SLC18A1: variants seen among roughly 807,000 people sequenced by gnomAD.
The protein encoded by SLC18A1 is chromaffin granule amine transporter.
In SLC18A1, 69 loss-of-function variants were observed where a neutral mutation model predicts 53.7. The observed-to-expected ratio is 1.28, with a 90% CI of 1.06 to 1.57. The LOEUF is 1.57. Among genes scored for constraint, SLC18A1 ranks in the 40% most tolerant of loss-of-function variants. The probability of loss-of-function intolerance (pLI) is 0.00; values close to 1 mark genes in which losing one functional copy is unlikely to be tolerated. For synonymous variants in SLC18A1, 320 were observed against 248.1 expected (o/e 1.29, Z -2.72); for missense variants, 932 against 668.1 (o/e 1.40, Z -4.35).
At chr8:20,162,923 G>A (rs528934766) in intron 10 of SLC18A1, among the ~76,000 whole-genome samples, 4 of 152,282 alleles carry the variant, frequency 2.6e-5, no homozygotes, top group Non-Finnish European at 4.4e-5. Flanking sequence ...CAGTTCCAAA[G>A]CTGCTTCCAT....
At chr8:20,164,667 C>T (rs1274539054) in intron 10 of SLC18A1, among the ~76,000 whole-genome samples, 1 of 152,120 alleles carries the variant, frequency 6.6e-6, no homozygotes, top group Non-Finnish European at 1.5e-5. Context: ...CTCCATAGCC[C>T]CTTTCATCCT....
intron 13 of SLC18A1, 67 bp downstream of exon 13, chr8:20,147,940 G>T (rs1256985286): frequency 1.3e-6 from 2 of 1,545,680 alleles, no homozygotes; most frequent in Admixed American, 1.7e-5. Context: ...AGAAAAGGGG[G>T]AGGAAAGGCA....
In SLC18A1 at chr8:20,145,746, A is replaced by G. The variant is rs755994584; in HGVS notation, c.*17T>C. On this transcript the variant is annotated 3_prime_UTR_variant, in exon 16 of 16. Transcript: ENST00000276373. ...TGGTCACTGAGGCATCATGAATTCA[A>G]GGAGCACCTTCTGCTGCTACTCCTC... The G allele has an allele frequency of 6.5e-7, 1 of 1,543,658 alleles. No homozygotes were observed. The highest frequency in any genetic ancestry group is 8.9e-7 in the Non-Finnish European group (1 of 1,122,760).
intron 8 of SLC18A1, 33 bp from the exon 9 acceptor site, chr8:20,165,140 G>T (rs376163004): frequency 5.1e-6 from 8 of 1,559,820 alleles, no homozygotes; most frequent in Non-Finnish European, 7.1e-6. Context: ...ATGTCCATTT[G>T]TACAGTGCAT....
chr8:20,153,218 G>GTT (rs71532224), intron 10 of SLC18A1, among the ~76,000 whole-genome samples: 28 of 151,858 alleles, frequency 1.8e-4, no homozygotes, highest in African/African-American at 4.8e-4. Context: ...GTGGTTGTGC[G>GTT]TTTTTTTTGC....
chr8:20,146,011 G>A (rs2071387873), intron 15 of SLC18A1, 135 bp from the exon 16 acceptor site: 3 of 447,684 alleles, frequency 6.7e-6, no homozygotes, highest in South Asian at 3.9e-5. Context: ...CGCCTCCCGG[G>A]TTCATGCCGT....
At chr8:20,173,612 G>A (rs2072181815) in intron 5 of SLC18A1, among the ~76,000 whole-genome samples, 1 of 152,166 alleles carries the variant, frequency 6.6e-6, no homozygotes, top group Admixed American at 6.5e-5. Context: ...GGGTAAAATG[G>A]CATAAAATGC....
At chr8:20,155,769 A>C (rs2071668268) in intron 10 of SLC18A1, among the ~76,000 whole-genome samples, 1 of 151,776 alleles carries the variant, frequency 6.6e-6, no homozygotes, top group East Asian at 1.9e-4. Flanking sequence ...GTATCTCCAA[A>C]GGGGATCTAA....
chr8:20,161,097 T>C (rs912620072), intron 10 of SLC18A1, among the ~76,000 whole-genome samples: 50 of 152,168 alleles, frequency 3.3e-4, no homozygotes, highest in African/African-American at 1.1e-3. Flanking sequence ...TTCATGTCCT[T>C]GTCACAATGC....
intron 3 of SLC18A1, among the ~76,000 whole-genome samples, chr8:20,178,729 C>G (rs1446221631): frequency 6.6e-6 from 1 of 152,120 alleles, no homozygotes; most frequent in Non-Finnish European, 1.5e-5. Flanking sequence ...AAATGATAGC[C>G]TAGGTGGAGT....
Position 20,149,541 on chromosome 8 carries a change from A to G in SLC18A1, c.1146+135T>C, listed in dbSNP as rs1585189241. ...TTGCCAAGCCATCTCTGCTCATCTT[A>G]AAGGAAATTAGTCTTTAAATGTCTG... On this transcript the variant is annotated intron_variant, in intron 12 of 15. Coordinates refer to ENST00000276373, the MANE Select transcript of SLC18A1 (RefSeq NM_003053.4). 17 of 699,058 alleles carry G rather than the reference A, an allele frequency of 2.4e-5. No individual in the cohort carries two copies. The East Asian group carries it at 4.7e-4, about 19-fold the overall frequency. 43.3% of individuals were successfully genotyped at this position (699,058 alleles called of 1,614,324 possible). A position where few individuals can be genotyped will look rare whatever the true frequency, so the allele number is the denominator to read the frequency against.
chr8:20,162,295 C>G (rs1204812132), intron 10 of SLC18A1, among the ~76,000 whole-genome samples: 4 of 152,208 alleles, frequency 2.6e-5, no homozygotes, highest in Admixed American at 2.6e-4. Flanking sequence ...CTTTCTCCCA[C>G]AGTCTTAATA....
At position 20,170,598 on chromosome 8, in the gene SLC18A1, T is replaced by C. The variant is rs930028655; in HGVS notation, c.858+505A>G. Reference sequence around the variant, plus strand: ...AGTACCAACTCTGATATTTATTAACTGTGACAGAATGACAGTTAGGGATAT... The same window carrying C: ...AGTACCAACTCTGATATTTATTAACCGTGACAGAATGACAGTTAGGGATAT... On this transcript the variant is annotated intron_variant, in intron 8 of 15. Transcript: ENST00000276373. 8.6e-5 allele frequency among the ~76,000 whole-genome samples: 13 copies of C among 151,654 alleles called. No homozygotes were observed. The East Asian group carries it at 2.5e-3, about 30-fold the overall frequency.
At chr8:20,146,248 C>G (rs1158270696) in intron 15 of SLC18A1, among the ~76,000 whole-genome samples, 1 of 152,168 alleles carries the variant, frequency 6.6e-6, no homozygotes, top group East Asian at 1.9e-4. Context: ...CCAATCTCCT[C>G]ATTCCGTCCT....
chr8:20,147,962 G>A, intron 13 of SLC18A1, 45 bp downstream of exon 13: 1 of 1,599,378 alleles, frequency 6.3e-7, no homozygotes, highest in Non-Finnish European at 8.6e-7. Context: ...CAGACCCAAA[G>A]CCAACATGCA....
Position 20,164,960 on chromosome 8 carries a change from G to T in SLC18A1, c.924C>A (p.Ser308=), listed in dbSNP as rs1255277571. 3.7e-6 allele frequency: 6 copies of T among 1,613,834 alleles called. No individual in the cohort carries two copies. Among genetic ancestry groups the T allele is most frequent in the Non-Finnish European group, 5.1e-6 (6 of 1,179,794 alleles). ...CCACCCCCATGTTGGCAAAGCAGAT[G>T]GACCCTGGGGAGACTGTTCTGTGAG... ...KDPYILVAAG[S]ICFANMGVAI... The change falls in exon 10 of 16, where the codon TCC becomes TCA. Residue 308 remains serine, a synonymous_variant. Coordinates refer to ENST00000276373, the MANE Select transcript of SLC18A1 (RefSeq NM_003053.4).
At chr8:20,154,816 G>A (rs1238368904) in intron 10 of SLC18A1, among the ~76,000 whole-genome samples, 3 of 152,096 alleles carry the variant, frequency 2.0e-5, no homozygotes, top group African/African-American at 4.8e-5. Context: ...GTTCTGGCTC[G>A]AGCTGAGCTT....
chr8:20,147,477 G>A (rs2071430541), intron 14 of SLC18A1, 86 bp from the exon 15 acceptor site: 1 of 1,570,442 alleles, frequency 6.4e-7, no homozygotes, highest in Admixed American at 1.7e-5. Context: ...TAGGGGCAGT[G>A]GGTGACCCAG....
At chr8:20,151,966 G>C (rs1385965379) in intron 10 of SLC18A1, among the ~76,000 whole-genome samples, 1 of 152,186 alleles carries the variant, frequency 6.6e-6, no homozygotes, top group Non-Finnish European at 1.5e-5. Context: ...ACACAAAAAA[G>C]ATAATTTTGA....
Sources: gnomAD v4.1 joint callset for allele counts (sites outside exome capture counted in the v4.1 genomes callset) on GRCh38, gnomAD v4.1.1 for gene constraint, MANE v1.5 for transcripts, NCBI Gene and HGNC (gene_info 2026-07-23, HGNC 2026-07-21) for gene names.